The following MGAT4C variants were observed in gnomAD, a reference collection of about 807,000 sequenced individuals.
MGAT4C encodes alpha-1,3-mannosyl-glycoprotein 4-beta-N-acetylglucosaminyltransferase C.
MGAT4C carries 19 observed loss-of-function variants against 40.1 expected under a neutral mutation model. That is an observed-to-expected ratio of 0.47 (90% CI 0.33 to 0.70). The LOEUF is 0.70. Among genes scored for constraint, MGAT4C ranks in the 30% least tolerant of loss-of-function variants. MGAT4C has a pLI of 0.02. For missense variants in MGAT4C, 491 were observed against 563.2 expected (o/e 0.87, Z 1.30); for synonymous variants, 181 against 187.1 (o/e 0.97, Z 0.27).
chr12:86,509,141 T>A (rs1413246952), intron 2 of MGAT4C, among the ~76,000 whole-genome samples: 1 of 152,210 alleles, frequency 6.6e-6, no homozygotes, highest in Non-Finnish European at 1.5e-5. Flanking sequence ...TGACCATGCC[T>A]ATGTCCTGAA....
At chr12:86,620,217 T>C (rs1962593071) in intron 2 of MGAT4C, among the ~76,000 whole-genome samples, 1 of 152,090 alleles carries the variant, frequency 6.6e-6, no homozygotes, top group Admixed American at 6.6e-5. Context: ...GGGTAATTAC[T>C]CATAGGAAAA....
intron 1 of MGAT4C, among the ~76,000 whole-genome samples, chr12:86,174,380 C>G (rs1027499366): frequency 3.9e-5 from 6 of 151,992 alleles, no homozygotes; most frequent in African/African-American, 1.4e-4. Flanking sequence ...GTGAATTGCG[C>G]AAGTGATGGA....
At chr12:86,786,843 C>A (rs369688334) in intron 1 of MGAT4C, among the ~76,000 whole-genome samples, 10 of 152,094 alleles carry the variant, frequency 6.6e-5, no homozygotes, top group East Asian at 1.9e-4. Context: ...AGGAAATTTT[C>A]TCCAACAATG....
intron 1 of MGAT4C, among the ~76,000 whole-genome samples, chr12:86,765,895 AC>A (rs1951497109): frequency 6.6e-6 from 1 of 152,236 alleles, no homozygotes; most frequent in Non-Finnish European, 1.5e-5. Context: ...AACAACTGGT[AC>A]CAGCTGCTGC....
At chr12:86,464,298 C>T (rs935025163) in intron 2 of MGAT4C, among the ~76,000 whole-genome samples, 9 of 152,218 alleles carry the variant, frequency 5.9e-5, no homozygotes, top group South Asian at 2.1e-4. Context: ...TAGAGGCAAA[C>T]TGTTTACTTA....
chr12:86,350,685 G>T (rs1425195991), intron 3 of MGAT4C, among the ~76,000 whole-genome samples: 1 of 152,128 alleles, frequency 6.6e-6, no homozygotes, highest in Non-Finnish European at 1.5e-5. Flanking sequence ...GCAACACATT[G>T]TAAACTGTGG....
At chr12:86,828,796 G>T (rs562343683) in intron 1 of MGAT4C, among the ~76,000 whole-genome samples, 5 of 151,394 alleles carry the variant, frequency 3.3e-5, no homozygotes, top group Non-Finnish European at 4.4e-5. Flanking sequence ...TATGTGAAAC[G>T]TCCAAAAAAG....
intron 2 of MGAT4C, among the ~76,000 whole-genome samples, chr12:86,024,320 A>T (rs1245135727): frequency 2.0e-5 from 3 of 151,706 alleles, no homozygotes; most frequent in Non-Finnish European, 4.4e-5. Flanking sequence ...AAAAATATGC[A>T]TATAGCTTAT....
At chr12:86,508,864 G>A (rs1958519808) in intron 2 of MGAT4C, among the ~76,000 whole-genome samples, 1 of 150,096 alleles carries the variant, frequency 6.7e-6, no homozygotes, top group Non-Finnish European at 1.5e-5. Context: ...CTTCTTTTGA[G>A]AAGTGTCTGT....
At chr12:86,413,883 G>T (rs1956653298) in intron 3 of MGAT4C, among the ~76,000 whole-genome samples, 1 of 152,088 alleles carries the variant, frequency 6.6e-6, no homozygotes, top group Non-Finnish European at 1.5e-5. Flanking sequence ...AGGGGTTGGA[G>T]GGAGAGCAGA....
intron 1 of MGAT4C, among the ~76,000 whole-genome samples, chr12:86,251,146 T>A (rs1952259225): frequency 6.6e-6 from 1 of 151,424 alleles, no homozygotes; most frequent in East Asian, 1.9e-4. Context: ...TTTTTTTTTT[T>A]TTTATTATGA....
chr12:86,647,373 A>G (rs1963570881), intron 2 of MGAT4C, among the ~76,000 whole-genome samples: 1 of 151,898 alleles, frequency 6.6e-6, no homozygotes, highest in Non-Finnish European at 1.5e-5. Context: ...CTTGCTCAAG[A>G]AGTTAGAAAA....
intron 2 of MGAT4C, among the ~76,000 whole-genome samples, chr12:86,468,146 A>G (rs1020031713): frequency 2.0e-5 from 3 of 152,022 alleles, no homozygotes; most frequent in African/African-American, 7.2e-5. Flanking sequence ...CACTAAATAT[A>G]TCTAAAATAA....
At chr12:86,818,035 A>G (rs1288640386) in intron 1 of MGAT4C, among the ~76,000 whole-genome samples, 1 of 151,448 alleles carries the variant, frequency 6.6e-6, no homozygotes, top group Non-Finnish European at 1.5e-5. Context: ...TGAGAAATGA[A>G]TATTAACAGC....
chr12:86,219,369 T>TA (rs141926480), intron 1 of MGAT4C, among the ~76,000 whole-genome samples: 114,785 of 151,038 alleles, frequency 0.76, 44,048 homozygotes, highest in Middle Eastern at 0.82. Flanking sequence ...GTGACTGTTC[T>TA]AAATCTAAAA....
chr12:86,587,564 C>G (rs142327836), intron 2 of MGAT4C, among the ~76,000 whole-genome samples: 3 of 151,804 alleles, frequency 2.0e-5, no homozygotes, highest in Non-Finnish European at 4.4e-5. Context: ...TCACGATATT[C>G]ATTCTTCCTA....
intron 4 of MGAT4C, among the ~76,000 whole-genome samples, chr12:86,279,128 T>C (rs1406787704): frequency 2.0e-5 from 3 of 152,204 alleles, no homozygotes; most frequent in Admixed American, 1.3e-4. Flanking sequence ...ATTTTTTTAA[T>C]GTGTCTTTGT....
intron 2 of MGAT4C, among the ~76,000 whole-genome samples, chr12:86,685,435 G>T (rs1178410309): frequency 2.0e-5 from 3 of 152,156 alleles, no homozygotes; most frequent in Non-Finnish European, 2.9e-5. Context: ...TTTGGTAACT[G>T]TAGCCTTGTA....
At chr12:86,721,096 G>T (rs1168972504) in intron 2 of MGAT4C, among the ~76,000 whole-genome samples, 1 of 152,104 alleles carries the variant, frequency 6.6e-6, no homozygotes, top group East Asian at 1.9e-4. Flanking sequence ...ATGTAGAATG[G>T]TTATTGACTC....
Sources: allele counts gnomAD v4.1 joint callset (sites outside exome capture counted in the v4.1 genomes callset), GRCh38; gene constraint gnomAD v4.1.1; transcripts MANE v1.5; gene names NCBI Gene and HGNC (gene_info 2026-07-23, HGNC 2026-07-21).